UGGT1: variants seen among roughly 807,000 people sequenced by gnomAD.
The protein encoded by UGGT1 is UDP-glucose:glycoprotein glucosyltransferase 1.
In UGGT1, 107 loss-of-function variants were observed where a neutral mutation model predicts 203.9. The ratio of observed to expected loss-of-function variants is 0.52; its 90% CI spans 0.45 to 0.62. The LOEUF is 0.62. Among genes scored for constraint, UGGT1 ranks in the 20% least tolerant of loss-of-function variants. The pLI is 0.00. For synonymous variants in UGGT1, 628 were observed against 653.5 expected, an observed-to-expected ratio of 0.96 and a Z score of 0.59; for missense variants, 1,673 against 1,867.2, an observed-to-expected ratio of 0.90 and a Z score of 1.92.
At position 128,126,871 on chromosome 2, in the gene UGGT1, C is replaced by A. The variant is rs777518033; in HGVS notation, c.1135-490C>A. Among the ~76,000 whole-genome samples, 3 of 151,128 alleles carry A rather than the reference C, an allele frequency of 2.0e-5. No individual in the cohort carries two copies. The East Asian group carries it at 5.9e-4, about 30-fold the overall frequency. ...TTAATTTTTGTATTTTTAATAGAGA[C>A]GGGGTTTTGCCACGTTGTCCAGGCT... On this transcript the variant is annotated intron_variant, in intron 11 of 40. Transcript: ENST00000259253.
chr2:128,189,900 G>T lies in UGGT1; in HGVS notation c.*158G>T. 1 of 718,348 alleles carries T rather than the reference G, an allele frequency of 1.4e-6. No homozygotes were observed. Among genetic ancestry groups the T allele is most frequent in the Non-Finnish European group, 2.3e-6 (1 of 443,290 alleles). 44.5% of individuals were successfully genotyped at this position (718,348 alleles called of 1,614,324 possible). ...ATTTGATTCTGACTTCTGTACTCTGGTGGCCACTGGATCTTTGGGATTAAA... is the reference window on the plus strand; with the variant it reads ...ATTTGATTCTGACTTCTGTACTCTGTTGGCCACTGGATCTTTGGGATTAAA... On this transcript the variant is annotated 3_prime_UTR_variant, in exon 41 of 41. Transcript: ENST00000259253.
rs568938321 is a variant in UGGT1, at chr2:128,147,960, T to C, written c.2016+1993T>C. ...TTTGACAACTAGGAATTTGAAATAA[T>C]ATAATGTGACACTTCTTCACCGTAC... On this transcript the variant is annotated intron_variant, in intron 18 of 40. Coordinates refer to ENST00000259253, the MANE Select transcript of UGGT1 (RefSeq NM_020120.4). Among the ~76,000 whole-genome samples the C allele has an allele frequency of 1.2e-4, 18 of 152,350 alleles. No individual in the cohort carries two copies. The South Asian group carries it at 3.1e-3, about 26-fold the overall frequency.
At position 128,170,292 on chromosome 2, in the gene UGGT1, A is replaced by G; in HGVS notation, c.2926A>G (p.Ile976Val). ...YQFFEDRHSA[I>V]KLRPKEGETY... The stretch of plus-strand genomic sequence containing the variant: ...TTTATCCTTGTGATCTTTCAGTGCA[A>G]TCAAACTGAGGCCGAAGGAAGGGGA... The change falls in exon 27 of 41, where the codon ATC (isoleucine) becomes GTC (valine). Residue 976 changes from isoleucine to valine, a missense_variant. Physicochemically the swap from Ile to Val is conservative, Grantham distance 29. Transcript: ENST00000259253. The G allele has an allele frequency of 6.2e-7, 1 of 1,614,140 alleles. No individual in the cohort carries two copies. Among genetic ancestry groups the G allele is most frequent in the Non-Finnish European group, 8.5e-7 (1 of 1,180,016 alleles).
intron 19 of UGGT1, 129 bp downstream of exon 19, chr2:128,153,033 A>G (rs910018274): frequency 1.2e-4 from 155 of 1,322,248 alleles, no homozygotes; most frequent in Middle Eastern, 1.9e-4. Flanking sequence ...TTGTGACAAA[A>G]TTTTATGTGT....
intron 26 of UGGT1, among the ~76,000 whole-genome samples, chr2:128,167,741 A>T (rs918739426): frequency 1.3e-5 from 2 of 152,094 alleles, no homozygotes; most frequent in African/African-American, 4.8e-5. Flanking sequence ...TTTAAACATG[A>T]TGTTGTTCAT....
chr2:128,134,502 A>G (rs1689037814), intron 14 of UGGT1, among the ~76,000 whole-genome samples: 1 of 152,242 alleles, frequency 6.6e-6, no homozygotes, highest in Admixed American at 6.5e-5. Context: ...TGGTCTAAGA[A>G]TTAGGTTCTA....
At chr2:128,097,644 G>A in intron 2 of UGGT1, 80 bp downstream of exon 2, 1 of 1,535,204 alleles carries the variant, frequency 6.5e-7, no homozygotes, top group African/African-American at 1.4e-5. Flanking sequence ...AGCTTTTTAA[G>A]GAGTGAGATT....
In UGGT1 at chr2:128,091,418, AC is replaced by A; in HGVS notation, c.58+6del. On this transcript the variant is annotated splice_donor_region_variant and intron_variant, in intron 1 of 40. Transcript: ENST00000259253. ...CGCGGGTGCGCTGCCGGTGACAGGT[AC>A]CCAGGGGTGGCGTGAGGAGGCCTCG... is the stretch of plus-strand genomic sequence containing the variant. The A allele has an allele frequency of 6.3e-7, 1 of 1,580,812 alleles. No homozygotes were observed. The highest frequency in any genetic ancestry group is 8.6e-7 in the Non-Finnish European group (1 of 1,163,376).
At chr2:128,144,364 G>A (rs1689579279) in intron 17 of UGGT1, among the ~76,000 whole-genome samples, 2 of 152,260 alleles carry the variant, frequency 1.3e-5, no homozygotes, top group South Asian at 4.1e-4. Flanking sequence ...CTATTTCTGA[G>A]TGGTGAAAAA....
intron 15 of UGGT1, among the ~76,000 whole-genome samples, chr2:128,137,155 G>A (rs1297931912): frequency 6.6e-6 from 1 of 152,072 alleles, no homozygotes; most frequent in Non-Finnish European, 1.5e-5. Context: ...AATGGCTCAT[G>A]CCTATAATCC....
At chr2:128,103,067 T>A (rs1444355988) in intron 2 of UGGT1, 2 of 471,044 alleles carry the variant, frequency 4.2e-6, no homozygotes, top group Non-Finnish European at 8.8e-6. Context: ...TTTCCCATAT[T>A]TCTGTGTCTA....
chr2:128,172,629 C>G lies in UGGT1; in HGVS notation c.3161C>G (p.Ala1054Gly), dbSNP rs1365960922. 1 of 1,614,118 alleles carries G rather than the reference C, an allele frequency of 6.2e-7. No homozygotes were observed. The highest frequency in any genetic ancestry group is 8.5e-7 in the Non-Finnish European group (1 of 1,180,020). ...EISFTSDNSF[A>G]KGPIAKFLDM... ...TCTTTCACTTCAGACAATAGTTTTGCTAAGGGTCCAATCGCAAAATTTTTG... is the reference window on the plus strand; with the variant it reads ...TCTTTCACTTCAGACAATAGTTTTGGTAAGGGTCCAATCGCAAAATTTTTG... Residue 1054 changes from alanine (A) to glycine (G), a missense_variant, in exon 29 of 41, where the codon GCT becomes GGT. By Grantham distance (60) the Ala-to-Gly change is moderately conservative (BLOSUM62 0). This residue lies in a region of UGGT1 where 513 missense variants were observed against 684.1 expected (regional missense o/e 0.75). Coordinates refer to ENST00000259253, the MANE Select transcript of UGGT1 (RefSeq NM_020120.4).
chr2:128,159,841 A>T, intron 23 of UGGT1, 121 bp downstream of exon 23: 15 of 862,586 alleles, frequency 1.7e-5, no homozygotes, highest in East Asian at 3.3e-5. Context: ...GTCTCAGGGA[A>T]TTTTTTTTTT....
At chr2:128,184,017 G>A (rs777782160) in intron 38 of UGGT1, among the ~76,000 whole-genome samples, 20 of 151,574 alleles carry the variant, frequency 1.3e-4, no homozygotes, top group South Asian at 4.2e-4. Flanking sequence ...TTTGATGCTG[G>A]CTGGGGAGAG....
chr2:128,112,454 T>TTAAATATATATATATATATA (rs1687903373), intron 5 of UGGT1, among the ~76,000 whole-genome samples: 1 of 55,812 alleles, frequency 1.8e-5, no homozygotes, highest in Non-Finnish European at 3.8e-5. Context: ...AAATACTATG[T>TTAAATATATATATATATATA]TATATATATA....
Position 128,115,141 on chromosome 2 carries a change from T to C in UGGT1, c.714T>C (p.Pro238=), listed in dbSNP as rs2105373651. 6.2e-7 allele frequency: 1 copy of C among 1,614,056 alleles called. No individual in the cohort carries two copies. Among genetic ancestry groups the C allele is most frequent in the South Asian group, 1.1e-5 (1 of 91,076 alleles). ...ACTTGCAGAATCCCAGGAAGGAGCC[T>C]GTTTACCTCTCTGGCTATGGCGTGG... ...RHYIFNPRKE[P]VYLSGYGVEL... Residue 238 remains proline, a synonymous_variant, in exon 7 of 41, where the codon CCT becomes CCC. Coordinates refer to ENST00000259253, the MANE Select transcript of UGGT1 (RefSeq NM_020120.4).
intron 1 of UGGT1, 42 bp downstream of exon 1, chr2:128,091,457 G>A (rs754838334): frequency 2.6e-6 from 4 of 1,558,316 alleles, no homozygotes; most frequent in Non-Finnish European, 2.6e-6. Context: ...GACAAAGAGA[G>A]GGTTTGGGGC....
chr2:128,187,392 T>C, intron 39 of UGGT1, 57 bp from the exon 40 acceptor site: 1 of 1,561,086 alleles, frequency 6.4e-7, no homozygotes, highest in Non-Finnish European at 8.7e-7. Context: ...ACCTTTGAAT[T>C]CTCTATCATG....
chr2:128,128,712 G>T lies in UGGT1; in HGVS notation c.1227-317G>T, dbSNP rs72848149. ...GTCATATGTTTGCCTCTGTGAATTG[G>T]TACTGACATTGAAACATATATTAAG... On this transcript the variant is annotated intron_variant, in intron 12 of 40. Transcript: ENST00000259253. Among the ~76,000 whole-genome samples, 1,031 of 152,128 alleles carry T rather than the reference G, an allele frequency of 6.8e-3. 9 individuals are homozygous for T. The highest frequency in any genetic ancestry group is 0.02 in the Middle Eastern group (6 of 294).
Sources: allele counts gnomAD v4.1 joint callset (sites outside exome capture counted in the v4.1 genomes callset), GRCh38; gene constraint gnomAD v4.1.1; regional missense constraint gnomAD v4.1.1; transcripts MANE v1.5; gene names NCBI Gene and HGNC (gene_info 2026-07-23, HGNC 2026-07-21).